UGT3A1: variants seen among roughly 807,000 people sequenced by gnomAD.
UGT3A1 encodes UDP-glycosyltransferase 3A1.
Under a neutral mutation model 37.6 loss-of-function variants are expected in UGT3A1, and 40 were observed. The observed-to-expected ratio is 1.06, with a 90% CI of 0.83 to 1.38. The LOEUF (loss-of-function observed/expected upper bound fraction) is 1.38. Ranked by LOEUF, UGT3A1 falls within the 40% of genes most tolerant of loss-of-function variation. The pLI is 0.00. For missense variants in UGT3A1, 642 were observed against 634.2 expected (o/e 1.01, Z -0.13); for synonymous variants, 256 against 232.3 (o/e 1.10, Z -0.93).
Position 35,987,716 on chromosome 5 carries a change from ATGT to A in UGT3A1, c.196+731_196+733del, listed in dbSNP as rs1740780731. Reference sequence around the variant, plus strand: ...TTTCTCCCAAGATGGTTAATTTTTGATGTTGTTCAAAGCTTCAGAAACCCTCAG... The same window carrying A: ...TTTCTCCCAAGATGGTTAATTTTTGATGTTCAAAGCTTCAGAAACCCTCAG... On this transcript the variant is annotated intron_variant, in intron 2 of 6. Coordinates refer to ENST00000274278, the MANE Select transcript of UGT3A1 (RefSeq NM_152404.4). Among the ~76,000 whole-genome samples, 3 of 152,164 alleles carry A rather than the reference ATGT, an allele frequency of 2.0e-5. No homozygotes were observed. The South Asian group carries it at 6.2e-4, about 32-fold the overall frequency.
intron 4 of UGT3A1, chr5:35,961,611 T>C (rs1272708667): frequency 6.6e-6 from 1 of 152,238 alleles, no homozygotes; most frequent in African/African-American, 2.4e-5. Flanking sequence ...AATTAACAAG[T>C]GTACCCTGGG....
chr5:35,977,740 A>G lies in UGT3A1; in HGVS notation c.197-9607T>C, dbSNP rs150167586. Among the ~76,000 whole-genome samples, 23 of 152,382 alleles carry G rather than the reference A, an allele frequency of 1.5e-4. 1 individual carries two copies. The East Asian group carries it at 4.4e-3, about 29-fold the overall frequency. ...TGCCTCAGGCAATAGACATTATGTT[A>G]TAGCAATGTGAAATGAACTAATACA... On this transcript the variant is annotated intron_variant, in intron 2 of 6. Transcript: ENST00000274278.
At chr5:35,963,540 AAAAT>A (rs1231298427) in intron 4 of UGT3A1, among the ~76,000 whole-genome samples, 1 of 152,184 alleles carries the variant, frequency 6.6e-6, no homozygotes. Context: ...GAAAAGGAAA[AAAAT>A]AAAAGAAAGA....
In UGT3A1 at chr5:35,951,845, T is replaced by C. The variant is rs1739205997; in HGVS notation, c.*2357A>G. 1 of 152,192 alleles carries C rather than the reference T, an allele frequency of 6.6e-6. No individual in the cohort carries two copies. Among genetic ancestry groups the C allele is most frequent in the East Asian group, 1.9e-4 (1 of 5,192 alleles). The allele number at this position is 152,192 out of a possible 1,614,324, so 9.4% of individuals were successfully genotyped here. A position where few individuals can be genotyped will look rare whatever the true frequency, so the allele number is the denominator to read the frequency against. On this transcript the variant is annotated 3_prime_UTR_variant, in exon 7 of 7. Coordinates refer to ENST00000274278, the MANE Select transcript of UGT3A1 (RefSeq NM_152404.4). ...TTTTTGTACCTAGATATCTGGTGTA[T>C]AGGAATTCAGTTTTTGATATAGTGT...
intron 4 of UGT3A1, among the ~76,000 whole-genome samples, chr5:35,963,738 G>T (rs1276175287): frequency 6.6e-6 from 1 of 152,196 alleles, no homozygotes. Context: ...ACAATGGCAG[G>T]CCCAGTTTTT....
Position 35,954,076 on chromosome 5 carries a change from G to A in UGT3A1, c.*126C>T. On this transcript the variant is annotated 3_prime_UTR_variant, in exon 7 of 7. Coordinates refer to ENST00000274278, the MANE Select transcript of UGT3A1 (RefSeq NM_152404.4). ...TCTAAACAGAGGCAGAGAATAGAAA[G>A]AAGCAAGTTGCAGGATCAGTGGCAG... 2 of 1,042,874 alleles carry A rather than the reference G, an allele frequency of 1.9e-6. No individual in the cohort carries two copies. Among genetic ancestry groups the A allele is most frequent in the Non-Finnish European group, 2.8e-6 (2 of 716,628 alleles). 64.6% of individuals were successfully genotyped at this position (1,042,874 alleles called of 1,614,324 possible).
chr5:35,967,022 T>C (rs755536675), intron 3 of UGT3A1, among the ~76,000 whole-genome samples: 1 of 152,166 alleles, frequency 6.6e-6, no homozygotes, highest in Non-Finnish European at 1.5e-5. Flanking sequence ...TTCCCAAAAG[T>C]ATAACATTAA....
At chr5:35,985,300 A>G (rs922673162) in intron 2 of UGT3A1, among the ~76,000 whole-genome samples, 8 of 152,040 alleles carry the variant, frequency 5.3e-5, no homozygotes, top group Non-Finnish European at 1.0e-4. Context: ...AAACGTACAA[A>G]TTCAATGCAA....
intron 2 of UGT3A1, chr5:35,997,151 T>G (rs146046936): frequency 1.4e-3 from 208 of 152,316 alleles, no homozygotes; most frequent in African/African-American, 4.6e-3. Flanking sequence ...TGGAGTCTTG[T>G]GCAGGATGCT....
At chr5:35,963,213 A>T (rs1739660766) in intron 4 of UGT3A1, among the ~76,000 whole-genome samples, 1 of 152,192 alleles carries the variant, frequency 6.6e-6, no homozygotes, top group African/African-American at 2.4e-5. Flanking sequence ...CCTGGGCCTC[A>T]TTTATGCCTG....
At chr5:35,993,861 A>G (rs1561476104), upstream of UGT3A1, among the ~76,000 whole-genome samples, 1 of 152,068 alleles carries the variant, frequency 6.6e-6, no homozygotes, top group Non-Finnish European at 1.5e-5. Context: ...CTGATCTTCC[A>G]AAGTTTTTCA....
Position 35,954,353 on chromosome 5 carries a change from T to C in UGT3A1, c.1421A>G (p.Tyr474Cys), listed in dbSNP as rs1230105131. ...CTCATGCCAAGGCTGCTGGAAGGCATAGGGCTTGAGGTGCGTCGCTCCCCC... is the reference window on the plus strand; with the variant it reads ...CTCATGCCAAGGCTGCTGGAAGGCACAGGGCTTGAGGTGCGTCGCTCCCCC... ...QTGGATHLKP[Y>C]AFQQPWHEQY... Residue 474 changes from tyrosine (Y) to cysteine (C), a missense_variant, in exon 7 of 7, where the codon TAT (tyrosine) becomes TGT (cysteine). Tyr to Cys is a radical substitution (Grantham distance 194, BLOSUM62 -2). Coordinates refer to ENST00000274278, the MANE Select transcript of UGT3A1 (RefSeq NM_152404.4). The C allele has an allele frequency of 6.2e-6, 10 of 1,614,020 alleles. No homozygotes were observed. The highest frequency in any genetic ancestry group is 2.2e-5 in the South Asian group (2 of 91,070).
upstream of UGT3A1, among the ~76,000 whole-genome samples, chr5:35,994,991 G>A (rs556295184): frequency 2.6e-5 from 4 of 152,278 alleles, no homozygotes; most frequent in African/African-American, 9.6e-5. Flanking sequence ...GAACCAGGAT[G>A]GAAAACGCAG....
At chr5:35,975,694 CTTAT>C (rs1238860813) in intron 2 of UGT3A1, among the ~76,000 whole-genome samples, 2 of 151,264 alleles carry the variant, frequency 1.3e-5, no homozygotes, top group Non-Finnish European at 3.0e-5. Context: ...ATTTTATTTA[CTTAT>C]TTATTTTTTT....
upstream of UGT3A1, among the ~76,000 whole-genome samples, chr5:35,992,557 AATT>A (rs1241256527): frequency 1.3e-5 from 2 of 150,472 alleles, no homozygotes; most frequent in African/African-American, 4.9e-5. Flanking sequence ...TCTGACAGCT[AATT>A]ATTACACCAG....
chr5:35,962,330 C>G (rs1739618343), intron 4 of UGT3A1: 1 of 153,248 alleles, frequency 6.5e-6, no homozygotes, highest in South Asian at 2.1e-4. Flanking sequence ...GGAAGGAGAC[C>G]TGCACCTTAC....
chr5:35,997,055 A>T (rs1247847294), intron 2 of UGT3A1, among the ~76,000 whole-genome samples: 1 of 152,156 alleles, frequency 6.6e-6, no homozygotes, highest in East Asian at 1.9e-4. Context: ...ACCACACAAG[A>T]TTATCTGAAA....
In UGT3A1 at chr5:35,991,220, C is replaced by G. The variant is rs749945464; in HGVS notation, c.21G>C (p.Leu7=). The G allele has an allele frequency of 6.2e-7, 1 of 1,614,244 alleles. No homozygotes were observed. The highest frequency in any genetic ancestry group is 1.1e-5 in the South Asian group (1 of 91,090). The stretch of plus-strand genomic sequence containing the variant: ...CAGAAAGAAGGAAGGCCACTAGAAG[C>G]AGCACCCGCTGCCCAACCATGCTCA... MVGQRV[L]LLVAFLLSGV... The change falls in exon 1 of 7, where the codon CTG becomes CTC. Residue 7 remains leucine, a synonymous_variant. Coordinates refer to ENST00000274278, the MANE Select transcript of UGT3A1 (RefSeq NM_152404.4).
In UGT3A1 at chr5:35,968,123, C is replaced by T. The variant is rs1290173678; in HGVS notation, c.207G>A (p.Glu69=). The part of the protein sequence containing the change: ...SGKFLIPDIK[E]EEKSYQVIRW... Reference sequence around the variant, plus strand: ...TGATAACTTGGTATGATTTTTCCTCCTCTTTAATATCTAAGAAAACACCAA... The same window carrying T: ...TGATAACTTGGTATGATTTTTCCTCTTCTTTAATATCTAAGAAAACACCAA... The change falls in exon 3 of 7, where the codon GAG becomes GAA. Residue 69 remains glutamate (E), a synonymous_variant. Transcript: ENST00000274278. 1.1e-5 allele frequency: 17 copies of T among 1,608,652 alleles called. No individual in the cohort carries two copies. The highest frequency in any genetic ancestry group is 1.4e-5 in the Non-Finnish European group (16 of 1,176,410).
Sources: gnomAD v4.1 joint callset for allele counts (sites outside exome capture counted in the v4.1 genomes callset) on GRCh38, gnomAD v4.1.1 for gene constraint, MANE v1.5 for transcripts, NCBI Gene and HGNC (gene_info 2026-07-23, HGNC 2026-07-21) for gene names.